SMAD2: variants seen among roughly 807,000 people sequenced by gnomAD.
SMAD2 encodes the protein MAD homolog 2.
A neutral mutation model predicts 64.4 loss-of-function variants in SMAD2; 8 were observed. The ratio of observed to expected loss-of-function variants is 0.12; its 90% CI spans 0.07 to 0.22. The LOEUF is 0.22. SMAD2 is among the 10% of genes least tolerant of loss of function. SMAD2 has a pLI of 1.00. For missense variants in SMAD2, 289 were observed against 561.2 expected, an observed-to-expected ratio of 0.51 and a Z score of 4.90; for synonymous variants, 203 against 195.8, an observed-to-expected ratio of 1.04 and a Z score of -0.31.
chr18:47,923,068 T>TA (rs1287258587), intron 1 of SMAD2, among the ~76,000 whole-genome samples: 1 of 142,746 alleles, frequency 7.0e-6, no homozygotes, highest in East Asian at 2.1e-4. Context: ...TTTTTTTTTT[T>TA]AACTAAGAGT....
intron 1 of SMAD2, among the ~76,000 whole-genome samples, chr18:47,898,661 A>T (rs927248449): frequency 4.0e-5 from 6 of 150,590 alleles, no homozygotes; most frequent in African/African-American, 1.2e-4. Context: ...TGGAAGAATA[A>T]TTTTTTTTTT....
At chr18:47,881,642 G>A (rs1443812786) in intron 2 of SMAD2, among the ~76,000 whole-genome samples, 1 of 152,170 alleles carries the variant, frequency 6.6e-6, no homozygotes, top group Non-Finnish European at 1.5e-5. Context: ...GGACACAAGA[G>A]TAGACATCCC....
chr18:47,907,370 G>A (rs1280126556), intron 1 of SMAD2, among the ~76,000 whole-genome samples: 3 of 152,078 alleles, frequency 2.0e-5, no homozygotes, highest in Admixed American at 6.6e-5. Context: ...TCCACAACAC[G>A]GATCAGTCTC....
At chr18:47,880,266 T>C (rs1390457473) in intron 2 of SMAD2, among the ~76,000 whole-genome samples, 1 of 152,260 alleles carries the variant, frequency 6.6e-6, no homozygotes, top group Non-Finnish European at 1.5e-5. Context: ...AAAAGCTTTA[T>C]AGTTTTAGCT....
In SMAD2 at chr18:47,896,770, G is replaced by A; in HGVS notation, c.-14C>T. ...GATGGACGACATGTTCTTACCAAAG[G>A]CAGCAAGCCACGCTAGGAAAACAGC... On this transcript the variant is annotated 5_prime_UTR_variant, in exon 2 of 11. Transcript: ENST00000262160. The A allele has an allele frequency of 6.2e-7, 1 of 1,612,536 alleles. No individual in the cohort carries two copies. The highest frequency in any genetic ancestry group is 8.5e-7 in the Non-Finnish European group (1 of 1,179,396).
At chr18:47,844,754 T>C (rs948092871) in intron 10 of SMAD2, among the ~76,000 whole-genome samples, 1 of 152,172 alleles carries the variant, frequency 6.6e-6, no homozygotes, top group African/African-American at 2.4e-5. Flanking sequence ...AAAGAATGAA[T>C]TGACAACAGA....
intron 8 of SMAD2, 42 bp downstream of exon 8, chr18:47,848,433 T>A (rs2144298985): frequency 1.4e-6 from 2 of 1,398,008 alleles, no homozygotes; most frequent in South Asian, 2.3e-5. Context: ...ACATTATGAG[T>A]ATACAGCATT....
intron 1 of SMAD2, among the ~76,000 whole-genome samples, chr18:47,928,224 G>T (rs969869843): frequency 6.6e-6 from 1 of 152,066 alleles, no homozygotes; most frequent in African/African-American, 2.4e-5. Flanking sequence ...GCTACAAAAC[G>T]AGGTTTTTGG....
At chr18:47,865,359 T>C (rs1598796397) in intron 5 of SMAD2, among the ~76,000 whole-genome samples, 1 of 152,202 alleles carries the variant, frequency 6.6e-6, no homozygotes, top group East Asian at 1.9e-4. Flanking sequence ...TCTCTGGACA[T>C]ACACATTATG....
Position 47,870,426 on chromosome 18 carries a change from C to T in SMAD2, c.326+49G>A, listed in dbSNP as rs982060492. The T allele has an allele frequency of 4.4e-6, 6 of 1,354,776 alleles. No homozygotes were observed. In the African/African-American group the frequency reaches 7.2e-5, roughly 16 times the overall value. 83.9% of individuals were successfully genotyped at this position (1,354,776 alleles called of 1,614,324 possible). On this transcript the variant is annotated intron_variant, in intron 3 of 10. Transcript: ENST00000262160. ...CCCCATATAGGTCTTTCAAAATATA[C>T]CCCCCTCCCACAAGATCTCTAAGAT...
chr18:47,847,142 A>C (rs115944301), intron 8 of SMAD2, among the ~76,000 whole-genome samples: 2,555 of 152,264 alleles, frequency 0.017, 56 homozygotes, highest in Middle Eastern at 0.051. Flanking sequence ...AAACCCATTA[A>C]ATTTTTTTGC....
chr18:47,852,382 A>T (rs2030196761), intron 6 of SMAD2, among the ~76,000 whole-genome samples: 1 of 152,146 alleles, frequency 6.6e-6, no homozygotes, highest in Non-Finnish European at 1.5e-5. Context: ...TTTTAGGGTA[A>T]TGTTTCTACC....
Position 47,837,387 on chromosome 18 carries a change from C to T in SMAD2, c.*4440G>A. On this transcript the variant is annotated 3_prime_UTR_variant, in exon 11 of 11. Coordinates refer to ENST00000262160, the MANE Select transcript of SMAD2 (RefSeq NM_005901.6). ...ACCATCCTGGCCAACACGGTGAAAC[C>T]CCGTCTCTACTAAAAATACAAAAAA... 5.2e-6 allele frequency: 1 copy of T among 191,180 alleles called. No individual in the cohort carries two copies. The highest frequency in any genetic ancestry group is 8.3e-5 in the East Asian group (1 of 12,008). The allele number at this position is 191,180 out of a possible 1,614,324, so 11.8% of individuals were successfully genotyped here.
At chr18:47,884,774 T>C (rs1036318660) in intron 2 of SMAD2, among the ~76,000 whole-genome samples, 4 of 152,116 alleles carry the variant, frequency 2.6e-5, no homozygotes, top group Admixed American at 2.0e-4. Flanking sequence ...AAGAATAAAA[T>C]TGACACTTCT....
intron 1 of SMAD2, among the ~76,000 whole-genome samples, chr18:47,910,276 C>T (rs767433888): frequency 1.3e-5 from 2 of 151,682 alleles, no homozygotes; most frequent in East Asian, 1.9e-4. Flanking sequence ...TAACAGAAGA[C>T]GACGTAACAG....
chr18:47,881,461 A>C (rs1355701387), intron 2 of SMAD2, among the ~76,000 whole-genome samples: 1 of 152,218 alleles, frequency 6.6e-6, no homozygotes, highest in Non-Finnish European at 1.5e-5. Context: ...AGCCTTGCTA[A>C]ATTTACTCAT....
At chr18:47,886,570 C>CATCTATCCATCTATCT (rs1555655793) in intron 2 of SMAD2, among the ~76,000 whole-genome samples, 22 of 146,806 alleles carry the variant, frequency 1.5e-4, no homozygotes, top group African/African-American at 5.2e-4. Flanking sequence ...TATATCTATC[C>CATCTATCCATCTATCT]ATCTATCTAT....
intron 2 of SMAD2, among the ~76,000 whole-genome samples, chr18:47,878,087 G>C (rs1598819492): frequency 6.6e-6 from 1 of 152,176 alleles, no homozygotes; most frequent in South Asian, 2.1e-4. Flanking sequence ...GTATGTCAGG[G>C]TTTCATTCTA....
Position 47,817,887 on chromosome 18 carries a change from A to G in SMAD2, c.*23940T>C, listed in dbSNP as rs1236266056. 6.6e-6 allele frequency: 1 copy of G among 152,200 alleles called. No individual in the cohort carries two copies. Among genetic ancestry groups the G allele is most frequent in the Non-Finnish European group, 1.5e-5 (1 of 68,034 alleles). The allele number at this position is 152,200 out of a possible 1,614,324, so 9.4% of individuals were successfully genotyped here. ...GTTAAAACACTGGTCCAAACACCTGACTTATCTGTCAGGATTTACAGAATT... is the reference window on the plus strand; with the variant it reads ...GTTAAAACACTGGTCCAAACACCTGGCTTATCTGTCAGGATTTACAGAATT... On this transcript the variant is annotated 3_prime_UTR_variant, in exon 11 of 11. Coordinates refer to ENST00000262160, the MANE Select transcript of SMAD2 (RefSeq NM_005901.6).
Sources: gnomAD v4.1 joint callset for allele counts (sites outside exome capture counted in the v4.1 genomes callset) on GRCh38, gnomAD v4.1.1 for gene constraint, MANE v1.5 for transcripts, NCBI Gene and HGNC (gene_info 2026-07-23, HGNC 2026-07-21) for gene names.